PARD3B: variants seen among roughly 807,000 people sequenced by gnomAD.
PARD3B encodes partitioning defective 3 homolog B.
PARD3B carries 103 observed loss-of-function variants against 130.2 expected under a neutral mutation model. That is an observed-to-expected ratio of 0.79 (90% CI 0.67 to 0.93). The LOEUF (loss-of-function observed/expected upper bound fraction) is 0.93, where lower values mean the gene tolerates loss of function less well. PARD3B is among the 40% of genes least tolerant of loss of function. The probability of loss-of-function intolerance (pLI) is 0.00; values close to 1 mark genes in which losing one functional copy is unlikely to be tolerated. For missense variants in PARD3B, 1,609 were observed against 1,499.2 expected (o/e 1.07, Z -1.21); for synonymous variants, 583 against 553.2 (o/e 1.05, Z -0.76).
At chr2:204,990,705 T>A (rs983938702) in intron 3 of PARD3B, among the ~76,000 whole-genome samples, 1 of 152,156 alleles carries the variant, frequency 6.6e-6, no homozygotes, top group South Asian at 2.1e-4. Context: ...TCCTGTATGT[T>A]TTTTGATGAC....
chr2:205,174,676 ATTAG>A (rs2035365026), intron 12 of PARD3B, among the ~76,000 whole-genome samples: 1 of 152,202 alleles, frequency 6.6e-6, no homozygotes, highest in East Asian at 1.9e-4. Context: ...AGGCAAATCA[ATTAG>A]TTAGATTTGC....
At chr2:205,195,629 A>G (rs2036640299) in intron 15 of PARD3B, among the ~76,000 whole-genome samples, 1 of 152,230 alleles carries the variant, frequency 6.6e-6, no homozygotes, top group African/African-American at 2.4e-5. Context: ...TTATAGCACT[A>G]GGCCAATGTA....
intron 1 of PARD3B, among the ~76,000 whole-genome samples, chr2:204,580,229 C>T (rs1232184187): frequency 6.6e-6 from 1 of 151,118 alleles, no homozygotes; most frequent in Non-Finnish European, 1.5e-5. Flanking sequence ...GGGAGGCAGC[C>T]TTTATTTCTA....
intron 18 of PARD3B, among the ~76,000 whole-genome samples, chr2:205,323,585 A>T (rs6761373): frequency 0.61 from 92,321 of 152,012 alleles, 31,048 homozygotes; most frequent in South Asian, 0.77. Context: ...GCCTCTGTAG[A>T]CTATTGATGT....
chr2:205,448,115 G>A (rs1472131129), intron 20 of PARD3B, among the ~76,000 whole-genome samples: 2 of 152,106 alleles, frequency 1.3e-5, no homozygotes, highest in Non-Finnish European at 2.9e-5. Context: ...TCATTTCTTC[G>A]GCATAAACTC....
intron 4 of PARD3B, among the ~76,000 whole-genome samples, chr2:205,076,121 A>G (rs776150639): frequency 7.9e-5 from 12 of 152,062 alleles, no homozygotes; most frequent in Non-Finnish European, 1.6e-4. Context: ...TCTGTTTGTA[A>G]TTGCTTTGTA....
At position 204,563,217 on chromosome 2, in the gene PARD3B, G is replaced by GTCTCTCTCTCTCTCTCTCTC. The variant is rs35536964; in HGVS notation, c.120+17128_120+17147dup. 4.7e-4 allele frequency among the ~76,000 whole-genome samples: 41 copies of GTCTCTCTCTCTCTCTCTCTC among 86,632 alleles called. 1 individual carries two copies. Among genetic ancestry groups the GTCTCTCTCTCTCTCTCTCTC allele is most frequent in the African/African-American group, 7.1e-4 (16 of 22,456 alleles). 56.8% of individuals were successfully genotyped at this position (86,632 alleles called of 152,430 possible). A position where few individuals can be genotyped will look rare whatever the true frequency, so the allele number is the denominator to read the frequency against. On this transcript the variant is annotated intron_variant, in intron 1 of 22. Coordinates refer to ENST00000406610, the MANE Select transcript of PARD3B (RefSeq NM_001302769.2). ...CGTTTTTACATGCCGTCTTCCCGCT[G>GTCTCTCTCTCTCTCTCTCTC]TCTCTCTCTCTCTCTCTCTCTCTCT... is the stretch of plus-strand genomic sequence containing the variant.
At chr2:204,579,908 G>C (rs1224334586) in intron 1 of PARD3B, among the ~76,000 whole-genome samples, 1 of 152,228 alleles carries the variant, frequency 6.6e-6, no homozygotes, top group African/African-American at 2.4e-5. Flanking sequence ...GTTTGGTTAG[G>C]AAAGTAGCAA....
At chr2:205,377,969 C>T (rs1215995252) in intron 18 of PARD3B, among the ~76,000 whole-genome samples, 1 of 152,008 alleles carries the variant, frequency 6.6e-6, no homozygotes, top group African/African-American at 2.4e-5. Flanking sequence ...CGTGGTTTCA[C>T]CATGTTAGCC....
intron 1 of PARD3B, among the ~76,000 whole-genome samples, chr2:204,653,983 T>C (rs966349364): frequency 4.0e-5 from 6 of 151,090 alleles, no homozygotes; most frequent in African/African-American, 1.5e-4. Context: ...TAATTTTGCA[T>C]GCAATCATAT....
chr2:205,098,094 T>A (rs1156905892), intron 4 of PARD3B, among the ~76,000 whole-genome samples: 1 of 152,194 alleles, frequency 6.6e-6, no homozygotes, highest in African/African-American at 2.4e-5. Context: ...AAAACAAATA[T>A]TCTGGAATTA....
At chr2:205,600,312 G>T (rs745702080) in intron 22 of PARD3B, among the ~76,000 whole-genome samples, 1 of 152,184 alleles carries the variant, frequency 6.6e-6, no homozygotes, top group Non-Finnish European at 1.5e-5. Context: ...ACCGTTGGAG[G>T]AGCAGCAGGT....
intron 1 of PARD3B, among the ~76,000 whole-genome samples, chr2:204,598,628 C>T (rs1574523850): frequency 6.6e-6 from 1 of 152,156 alleles, no homozygotes; most frequent in East Asian, 1.9e-4. Flanking sequence ...TGTATGTATG[C>T]AAGTATGTAT....
At chr2:204,937,987 T>TAG (rs1225177195) in intron 2 of PARD3B, among the ~76,000 whole-genome samples, 2 of 152,208 alleles carry the variant, frequency 1.3e-5, no homozygotes, top group African/African-American at 4.8e-5. Flanking sequence ...CTTCTTGGAA[T>TAG]AGAGAGCAGT....
chr2:205,406,015 T>C (rs2046406232), intron 19 of PARD3B, among the ~76,000 whole-genome samples: 1 of 152,200 alleles, frequency 6.6e-6, no homozygotes. Flanking sequence ...TTTACACTGC[T>C]TAGATCACAC....
chr2:205,501,899 A>G (rs927078444), intron 21 of PARD3B, among the ~76,000 whole-genome samples: 5 of 152,024 alleles, frequency 3.3e-5, no homozygotes, highest in Admixed American at 6.6e-5. Context: ...GTGAGTAAAG[A>G]AGTATCTCTA....
intron 22 of PARD3B, among the ~76,000 whole-genome samples, chr2:205,612,682 G>A (rs1295575394): frequency 6.6e-6 from 1 of 152,136 alleles, no homozygotes; most frequent in Non-Finnish European, 1.5e-5. Flanking sequence ...AATGCTAACT[G>A]TTATGATGAG....
rs1273267874 is a variant in PARD3B, at chr2:205,291,488, T to A, written c.2186-9042T>A. 1.3e-5 allele frequency among the ~76,000 whole-genome samples: 2 copies of A among 152,242 alleles called. No individual in the cohort carries two copies. The highest frequency in any genetic ancestry group is 2.9e-5 in the Non-Finnish European group (2 of 68,046). On this transcript the variant is annotated intron_variant, in intron 16 of 22. Coordinates refer to ENST00000406610, the MANE Select transcript of PARD3B (RefSeq NM_001302769.2). The surrounding 1 kb of genome is among the most constrained non-coding windows in gnomAD (Gnocchi z 4.6). ...GATATAAAGTAGCAAAGAACTTTGC[T>A]GAAGTGTGTTGTTCTGGTGTATTAT...
At chr2:204,563,768 G>T (rs2125059808) in intron 1 of PARD3B, among the ~76,000 whole-genome samples, 1 of 152,006 alleles carries the variant, frequency 6.6e-6, no homozygotes, top group South Asian at 2.1e-4. Context: ...CATCCTTTGT[G>T]GTCTGCTTTA....
Sources: gnomAD v4.1 joint callset for allele counts (sites outside exome capture counted in the v4.1 genomes callset) on GRCh38, gnomAD v4.1.1 for gene constraint, Gnocchi (gnomAD v3.1) non-coding constraint, MANE v1.5 for transcripts, NCBI Gene and HGNC (gene_info 2026-07-23, HGNC 2026-07-21) for gene names.